Variants in AK8 observed in about 807,000 individuals in gnomAD.
AK8 encodes the protein ATP-AMP transphosphorylase 8.
Under a neutral mutation model 54.6 loss-of-function variants are expected in AK8, and 44 were observed. That is an observed-to-expected ratio of 0.81 (90% CI 0.63 to 1.04). AK8 has a LOEUF of 1.04. AK8 is among the 50% of genes least tolerant of loss of function. The pLI is 0.00. For missense variants in AK8, 555 were observed against 613.6 expected (o/e 0.90, Z 1.01); for synonymous variants, 239 against 245.6 (o/e 0.97, Z 0.25).
intron 11 of AK8, among the ~76,000 whole-genome samples, chr9:132,748,294 C>T (rs755117229): frequency 1.3e-5 from 2 of 151,798 alleles, no homozygotes; most frequent in African/African-American, 2.4e-5. Context: ...GAGCAGTGCT[C>T]TCAGTCTCTT....
rs117012123 is a variant in AK8 at position 132,741,209 on chromosome 9, T to C, written c.1122-13675A>G. Among the ~76,000 whole-genome samples the C allele has an allele frequency of 2.0e-5, 3 of 152,214 alleles. No individual in the cohort carries two copies. The East Asian group carries it at 5.8e-4, about 29-fold the overall frequency. ...GCACACTTTAAAAACTCTGGCCGAG[T>C]CTTTTTCCTGGTTCCAGGCAGGGCC... On this transcript the variant is annotated intron_variant, in intron 11 of 12. Transcript: ENST00000298545.
At chr9:132,874,131 G>A (rs976397208) in intron 2 of AK8, among the ~76,000 whole-genome samples, 3 of 152,210 alleles carry the variant, frequency 2.0e-5, no homozygotes, top group Admixed American at 2.0e-4. Context: ...CCTAACCAGA[G>A]GCTCAGAAAA....
At chr9:132,838,621 C>A (rs1027471917) in intron 5 of AK8, among the ~76,000 whole-genome samples, 1 of 152,200 alleles carries the variant, frequency 6.6e-6, no homozygotes, top group Non-Finnish European at 1.5e-5. Flanking sequence ...ACATTTTGAA[C>A]CTGATGCATT....
intron 11 of AK8, among the ~76,000 whole-genome samples, chr9:132,749,677 G>T (rs1363743781): frequency 3.3e-5 from 5 of 151,640 alleles, no homozygotes; most frequent in Non-Finnish European, 7.4e-5. Flanking sequence ...AATGCAGGAA[G>T]TCTCTTAAGT....
intron 1 of AK8, among the ~76,000 whole-genome samples, chr9:132,875,718 G>A (rs1844068901): frequency 6.6e-6 from 1 of 152,186 alleles, no homozygotes; most frequent in Non-Finnish European, 1.5e-5. Flanking sequence ...GCCTCACCCT[G>A]TCCCTACTCA....
intron 11 of AK8, among the ~76,000 whole-genome samples, chr9:132,792,071 C>A (rs948232769): frequency 6.6e-6 from 1 of 152,208 alleles, no homozygotes; most frequent in Non-Finnish European, 1.5e-5. Context: ...TGGTGGCTGA[C>A]CCCTTGCTAT....
Position 132,842,955 on chromosome 9 carries a change from G to A in AK8, c.402+11902C>T, listed in dbSNP as rs1255686243. Among the ~76,000 whole-genome samples the A allele has an allele frequency of 2.0e-5, 3 of 152,318 alleles. No individual in the cohort carries two copies. The East Asian group carries it at 5.8e-4, about 29-fold the overall frequency. On this transcript the variant is annotated intron_variant, in intron 5 of 12. Coordinates refer to ENST00000298545, the MANE Select transcript of AK8 (RefSeq NM_152572.3). ...ATGCCAGCAAGGAGGATCTCTCTCTGGTCTGCTAAGGCACATTCTTACATA... is the reference window on the plus strand; with the variant it reads ...ATGCCAGCAAGGAGGATCTCTCTCTAGTCTGCTAAGGCACATTCTTACATA...
intron 10 of AK8, 85 bp downstream of exon 10, chr9:132,814,553 C>A: frequency 9.1e-6 from 12 of 1,319,064 alleles, no homozygotes; most frequent in South Asian, 1.3e-5. Flanking sequence ...CAATTTTGAG[C>A]CCCTGAATGT....
intron 10 of AK8, among the ~76,000 whole-genome samples, chr9:132,812,486 G>A (rs562625774): frequency 2.1e-4 from 31 of 147,698 alleles, no homozygotes; most frequent in Middle Eastern, 3.5e-3. Context: ...ACATCCACCC[G>A]CCTCGGCCTT....
chr9:132,741,818 T>G (rs1026333849), intron 11 of AK8, among the ~76,000 whole-genome samples: 2 of 152,078 alleles, frequency 1.3e-5, no homozygotes, highest in Non-Finnish European at 2.9e-5. Context: ...CTTCCCCAGC[T>G]CCCAGCCCTA....
rs200556575 is a variant in AK8, at chr9:132,804,104, CAAAAAAAA to C, written c.979+10526_979+10533del. Among the ~76,000 whole-genome samples the C allele has an allele frequency of 9.3e-4, 87 of 93,268 alleles. 1 individual carries two copies. Among genetic ancestry groups the C allele is most frequent in the South Asian group, 3.7e-3 (10 of 2,736 alleles). 61.2% of individuals were successfully genotyped at this position (93,268 alleles called of 152,430 possible). A position where few individuals can be genotyped will look rare whatever the true frequency, so the allele number is the denominator to read the frequency against. ...CTGGGGACAGAGTGAGACTCCATCT[CAAAAAAAA>C]AAAAAAAAAAAAAAAGACTAATTCT... On this transcript the variant is annotated intron_variant, in intron 10 of 12. Coordinates refer to ENST00000298545, the MANE Select transcript of AK8 (RefSeq NM_152572.3).
chr9:132,776,927 C>T lies in AK8; in HGVS notation c.1121+15707G>A, dbSNP rs189745850. Among the ~76,000 whole-genome samples the T allele has an allele frequency of 4.4e-3, 666 of 152,334 alleles. 5 individuals are homozygous for T. Among genetic ancestry groups the T allele is most frequent in the South Asian group, 0.024 (117 of 4,824 alleles). ...CAAGTTCTAGACAACCTGGGACAGC[C>T]TCTGTGCTCTGGAGCCTCCAAAATT... is the stretch of plus-strand genomic sequence containing the variant. On this transcript the variant is annotated intron_variant, in intron 11 of 12. Coordinates refer to ENST00000298545, the MANE Select transcript of AK8 (RefSeq NM_152572.3).
chr9:132,757,573 C>T (rs892560508), intron 11 of AK8, among the ~76,000 whole-genome samples: 3 of 152,118 alleles, frequency 2.0e-5, no homozygotes, highest in African/African-American at 7.2e-5. Context: ...CCTGACTGAC[C>T]CTCACAGCAA....
At position 132,805,910 on chromosome 9, in the gene AK8, C is replaced by T. The variant is rs544362463; in HGVS notation, c.979+8728G>A. Among the ~76,000 whole-genome samples, 10 of 151,984 alleles carry T rather than the reference C, an allele frequency of 6.6e-5. No individual in the cohort carries two copies. The East Asian group carries it at 1.4e-3, about 21-fold the overall frequency. On this transcript the variant is annotated intron_variant, in intron 10 of 12. Transcript: ENST00000298545. The stretch of plus-strand genomic sequence containing the variant: ...AGCTACTTCAAAAGCATTGTCAGAC[C>T]GAGGTGAGGGTTCCTTTAAAATGCA...
intron 5 of AK8, among the ~76,000 whole-genome samples, chr9:132,829,877 T>C (rs911778471): frequency 6.6e-6 from 1 of 152,202 alleles, no homozygotes; most frequent in African/African-American, 2.4e-5. Context: ...TTAAATCCAA[T>C]TGTGAAAGTA....
At chr9:132,848,783 G>A (rs191087419) in intron 5 of AK8, among the ~76,000 whole-genome samples, 108 of 152,296 alleles carry the variant, frequency 7.1e-4, no homozygotes, top group African/African-American at 2.5e-3. Flanking sequence ...AGGGCCTGCA[G>A]GGGGCACTCA....
intron 10 of AK8, among the ~76,000 whole-genome samples, chr9:132,801,834 T>C (rs1354997955): frequency 6.6e-6 from 1 of 152,236 alleles, no homozygotes; most frequent in Non-Finnish European, 1.5e-5. Flanking sequence ...GTATCCCATT[T>C]TACAGATTAG....
rs516623 is a variant in AK8 at position 132,813,159 on chromosome 9, C to G, written c.979+1479G>C. On this transcript the variant is annotated intron_variant, in intron 10 of 12. Transcript: ENST00000298545. ...ACCTGCTCACTGCCCTGAGCCTACACAGATCACCTCATTCTGTGGCCACCG... is the reference window on the plus strand; with the variant it reads ...ACCTGCTCACTGCCCTGAGCCTACAGAGATCACCTCATTCTGTGGCCACCG... Among the ~76,000 whole-genome samples, 85 of 72,210 alleles carry G rather than the reference C, an allele frequency of 1.2e-3. 3 individuals are homozygous for G. The highest frequency in any genetic ancestry group is 5.5e-3 in the East Asian group (7 of 1,264). 47.4% of individuals were successfully genotyped at this position (72,210 alleles called of 152,430 possible).
In AK8 at chr9:132,848,039, C is replaced by T. The variant is rs543512150; in HGVS notation, c.402+6818G>A. Among the ~76,000 whole-genome samples the T allele has an allele frequency of 6.1e-5, 9 of 147,570 alleles. No individual in the cohort carries two copies. The South Asian group carries it at 2.0e-3, about 32-fold the overall frequency. On this transcript the variant is annotated intron_variant, in intron 5 of 12. Transcript: ENST00000298545. ...GCGGAGGTGGGAGGATTGCTTGAGC[C>T]CAGGAGGTTGGGGCTGCAGCGAGCC...
Sources: allele counts gnomAD v4.1 joint callset (sites outside exome capture counted in the v4.1 genomes callset), GRCh38; gene constraint gnomAD v4.1.1; transcripts MANE v1.5; gene names NCBI Gene and HGNC (gene_info 2026-07-23, HGNC 2026-07-21).